Variants in PDK1 observed in about 807,000 individuals in gnomAD.
The protein encoded by PDK1 is pyruvate dehydrogenase kinase 1, also known as [Pyruvate dehydrogenase (acetyl-transferring)] kinase isozyme 1, mitochondrial.
PDK1 carries 39 observed loss-of-function variants against 54.2 expected under a neutral mutation model. The ratio of observed to expected loss-of-function variants is 0.72; its 90% confidence interval spans 0.56 to 0.94. PDK1 has a LOEUF of 0.94. Ranked by LOEUF, PDK1 falls within the 40% of genes least tolerant of loss-of-function variation. The pLI, the probability that PDK1 is intolerant of heterozygous loss-of-function variation, is 0.00. For missense variants in PDK1, 552 were observed against 566.0 expected (o/e 0.98, Z 0.25); for synonymous variants, 221 against 207.1 (o/e 1.07, Z -0.58).
At chr2:172,695,336 CA>C in the PDK1 span, among the ~76,000 whole-genome samples, 3 of 152,160 alleles carry the variant, frequency 2.0e-5, no homozygotes, top group South Asian at 6.2e-4. Flanking sequence ...AGACTTAACT[CA>C]TATGTTGAGG....
At chr2:172,719,687 A>G in the PDK1 span, among the ~76,000 whole-genome samples, 140 of 152,130 alleles carry the variant, frequency 9.2e-4, no homozygotes, top group Admixed American at 2.5e-3. Flanking sequence ...TTTCCAATAT[A>G]TGTTTATTTC....
chr2:172,695,144 G>A, the PDK1 span, among the ~76,000 whole-genome samples: 6 of 152,042 alleles, frequency 3.9e-5, no homozygotes, highest in African/African-American at 1.4e-4. Flanking sequence ...AAAGTTTAGC[G>A]ATGTTTTTTT....
chr2:172,688,456 C>A, the PDK1 span, among the ~76,000 whole-genome samples: 2,416 of 152,264 alleles, frequency 0.016, 71 homozygotes, highest in African/African-American at 0.056. Flanking sequence ...GTTCTCCTTG[C>A]CAGCTGGGTG....
the PDK1 span, among the ~76,000 whole-genome samples, chr2:172,641,440 CA>C: frequency 3.7e-5 from 4 of 107,942 alleles, no homozygotes; most frequent in South Asian, 3.4e-4. Flanking sequence ...GTAACTTGTC[CA>C]TTTTTTTTTT....
the PDK1 span, among the ~76,000 whole-genome samples, chr2:172,633,201 C>A: frequency 9.6e-6 from 1 of 104,492 alleles, no homozygotes; most frequent in Non-Finnish European, 2.1e-5. Flanking sequence ...CACCACCATG[C>A]TTGGCTAATT....
At chr2:172,617,493 T>G in the PDK1 span, among the ~76,000 whole-genome samples, 1 of 152,128 alleles carries the variant, frequency 6.6e-6, no homozygotes, top group East Asian at 1.9e-4. Context: ...CACTGGCAGG[T>G]TAGGGCCTGG....
At position 172,564,977 on chromosome 2, in the gene PDK1, G is replaced by A; in HGVS notation, c.596-1G>A. On this transcript the variant is annotated splice_acceptor_variant, in intron 4 of 10. Coordinates refer to ENST00000282077, the MANE Select transcript of PDK1 (RefSeq NM_002610.5). LOFTEE classifies it high-confidence loss of function. ...TGTTGGTTTTTTTCCTTTTTGGATA[G>A]CTTTATTGTTTGGTGGAAAAGGCAA... 6 of 1,607,412 alleles carry A rather than the reference G, an allele frequency of 3.7e-6. No individual in the cohort carries two copies. Among genetic ancestry groups the A allele is most frequent in the Non-Finnish European group, 5.1e-6 (6 of 1,174,322 alleles).
rs1420749786 is a variant in PDK1, at chr2:172,606,703, A to T, written c.*10734A>T. Reference sequence around the variant, plus strand: ...TTTAGTGCTCTGTGGTAGCAGAGAGAATGGTGGTAGTTTATTTTTTCTTTC... The same window carrying T: ...TTTAGTGCTCTGTGGTAGCAGAGAGTATGGTGGTAGTTTATTTTTTCTTTC... On this transcript the variant is annotated 3_prime_UTR_variant, in exon 11 of 11. Coordinates refer to ENST00000282077, the MANE Select transcript of PDK1 (RefSeq NM_002610.5). The T allele has an allele frequency of 2.0e-5, 3 of 151,490 alleles. No individual in the cohort carries two copies. The highest frequency in any genetic ancestry group is 4.4e-5 in the Non-Finnish European group (3 of 67,912). 9.4% of individuals were successfully genotyped at this position (151,490 alleles called of 1,614,324 possible).
the PDK1 span, among the ~76,000 whole-genome samples, chr2:172,681,197 C>T: frequency 6.6e-6 from 1 of 152,108 alleles, no homozygotes; most frequent in Non-Finnish European, 1.5e-5. Context: ...AAGTTGTGCC[C>T]ACAGAGGAAA....
chr2:172,562,691 T>G, intron 3 of PDK1: 3 of 1,009,868 alleles, frequency 3.0e-6, no homozygotes, highest in Non-Finnish European at 4.7e-6. Context: ...ATGTAAAATC[T>G]CTCACTTTTG....
the PDK1 span, among the ~76,000 whole-genome samples, chr2:172,647,189 A>C: frequency 0.016 from 2,398 of 152,230 alleles, 64 homozygotes; most frequent in African/African-American, 0.055. Context: ...GCACCTAATG[A>C]GTTTTTTGTG....
chr2:172,562,865 T>G, intron 3 of PDK1: 1 of 1,440,764 alleles, frequency 6.9e-7, no homozygotes, highest in South Asian at 1.2e-5. Context: ...ATTTGCCTTA[T>G]GCAGCTACCT....
chr2:172,691,637 C>T, the PDK1 span, among the ~76,000 whole-genome samples: 1 of 152,314 alleles, frequency 6.6e-6, no homozygotes, highest in East Asian at 1.9e-4. Context: ...TTGCCTTTTG[C>T]AGAATGTCAT....
chr2:172,712,890 G>T, the PDK1 span, among the ~76,000 whole-genome samples: 4 of 152,240 alleles, frequency 2.6e-5, no homozygotes, highest in African/African-American at 9.6e-5. Context: ...GCAGATAACT[G>T]CAGGGTGAGC....
intron 8 of PDK1, among the ~76,000 whole-genome samples, chr2:172,574,961 T>G (rs994105991): frequency 3.9e-5 from 6 of 152,206 alleles, no homozygotes; most frequent in African/African-American, 1.4e-4. Flanking sequence ...GGGGGAGAAC[T>G]TCTTGTCTTT....
At chr2:172,648,915 A>G in the PDK1 span, among the ~76,000 whole-genome samples, 1 of 152,240 alleles carries the variant, frequency 6.6e-6, no homozygotes, top group African/African-American at 2.4e-5. Flanking sequence ...GGCAGGGCAT[A>G]GCTGAACAAA....
rs1691277022 is a variant in PDK1, at chr2:172,605,939, C to G, written c.*9970C>G. 1 of 152,038 alleles carries G rather than the reference C, an allele frequency of 6.6e-6. No homozygotes were observed. 9.4% of individuals were successfully genotyped at this position (152,038 alleles called of 1,614,324 possible). A position where few individuals can be genotyped will look rare whatever the true frequency, so the allele number is the denominator to read the frequency against. ...CCAAACCTGATAGATGCTATAATTTCTGCAGTCCAATCACTATTCTTCCCA... is the reference window on the plus strand; with the variant it reads ...CCAAACCTGATAGATGCTATAATTTGTGCAGTCCAATCACTATTCTTCCCA... On this transcript the variant is annotated 3_prime_UTR_variant, in exon 11 of 11. Transcript: ENST00000282077.
intron 10 of PDK1, among the ~76,000 whole-genome samples, chr2:172,594,753 G>A (rs1192647307): frequency 6.6e-6 from 1 of 152,198 alleles, no homozygotes; most frequent in Non-Finnish European, 1.5e-5. Flanking sequence ...TGTTCAGGGT[G>A]TTCTGCATCT....
chr2:172,580,500 A>C (rs1318639737), intron 8 of PDK1, among the ~76,000 whole-genome samples: 2 of 152,058 alleles, frequency 1.3e-5, no homozygotes, highest in African/African-American at 4.8e-5. Flanking sequence ...GAGTTCTTAG[A>C]CTCTCAGAAG....
Sources: gnomAD v4.1 joint callset for allele counts (sites outside exome capture counted in the v4.1 genomes callset) on GRCh38, gnomAD v4.1.1 for gene constraint, MANE v1.5 for transcripts, NCBI Gene and HGNC (gene_info 2026-07-23, HGNC 2026-07-21) for gene names.